DENND3: variants seen among roughly 807,000 people sequenced by gnomAD.
The protein encoded by DENND3 is DENN domain-containing protein 3.
In DENND3, 88 loss-of-function variants were observed where a neutral mutation model predicts 135.1. The ratio of observed to expected loss-of-function variants is 0.65; its 90% CI spans 0.55 to 0.78. DENND3 has a LOEUF of 0.78. Ranked by LOEUF, DENND3 falls within the 30% of genes least tolerant of loss-of-function variation. The probability of loss-of-function intolerance (pLI) is 0.00; values close to 1 mark genes in which losing one functional copy is unlikely to be tolerated. For synonymous variants in DENND3, 693 were observed against 712.3 expected, an observed-to-expected ratio of 0.97 and a Z score of 0.43; for missense variants, 1,392 against 1,688.4, an observed-to-expected ratio of 0.82 and a Z score of 3.08.
rs527407573 is a variant in DENND3 at position 141,145,473 on chromosome 8, C to T, written c.735+1214C>T. ...ACCACTCTTTAGACTGTTCCCTAGG[C>T]CACGGTCACTCAGAATAAACCCCTT... On this transcript the variant is annotated intron_variant, in intron 5 of 22. Transcript: ENST00000519811. 2.0e-5 allele frequency among the ~76,000 whole-genome samples: 3 copies of T among 152,242 alleles called. No homozygotes were observed. In the South Asian group the frequency reaches 6.2e-4, roughly 32 times the overall value.
chr8:141,145,111 T>C (rs1214428086), intron 5 of DENND3, among the ~76,000 whole-genome samples: 1 of 152,196 alleles, frequency 6.6e-6, no homozygotes, highest in Non-Finnish European at 1.5e-5. Flanking sequence ...CTTTAAAGTG[T>C]GAAAAGAGAC....
rs529309663 is a variant in DENND3 at position 141,141,549 on chromosome 8, C to T, written c.623+225C>T. 1.4e-4 allele frequency: 79 copies of T among 562,386 alleles called. No homozygotes were observed. The highest frequency in any genetic ancestry group is 9.6e-4 in the Middle Eastern group (2 of 2,084). 34.8% of individuals were successfully genotyped at this position (562,386 alleles called of 1,614,324 possible). A position where few individuals can be genotyped will look rare whatever the true frequency, so the allele number is the denominator to read the frequency against. ...AGTGGGCAGGGGGTGTGGCAGCGGG[C>T]GCTCCTCTCTGTGACTGGTAACATA... On this transcript the variant is annotated intron_variant, in intron 4 of 22. Coordinates refer to ENST00000519811, the MANE Select transcript of DENND3 (RefSeq NM_001352890.3). The surrounding 1 kb of genome is among the most constrained non-coding windows in gnomAD (Gnocchi z 5.3).
chr8:141,175,767 G>A lies in DENND3; in HGVS notation c.2535+308G>A. The A allele has an allele frequency of 2.4e-6, 1 of 416,236 alleles. No homozygotes were observed. The highest frequency in any genetic ancestry group is 5.2e-5 in the East Asian group (1 of 19,192). 25.8% of individuals were successfully genotyped at this position (416,236 alleles called of 1,614,324 possible). ...GAATGTGGGCTGACATTCTCATTAG[G>A]GACAGTAGGACGCCTTCGTTCATCC... is the stretch of plus-strand genomic sequence containing the variant. On this transcript the variant is annotated intron_variant, in intron 14 of 22. Transcript: ENST00000519811. This position sits in a 1 kb window ranked among gnomAD's most constrained non-coding sequence, Gnocchi z 5.4.
chr8:141,193,076 T>A, intron 22 of DENND3: 4 of 356,664 alleles, frequency 1.1e-5, no homozygotes, highest in Non-Finnish European at 1.6e-5. Flanking sequence ...GACGTGGCAC[T>A]CTAACCTGTG....
intron 17 of DENND3, 113 bp from the exon 18 acceptor site, chr8:141,185,026 C>A: frequency 7.2e-7 from 1 of 1,392,444 alleles, no homozygotes; most frequent in South Asian, 1.4e-5. Flanking sequence ...CAGCACCTAA[C>A]ATGGGCCTGG....
chr8:141,155,934 A>T lies in DENND3; in HGVS notation c.1160A>T (p.Asp387Val). 6.2e-7 allele frequency: 1 copy of T among 1,612,330 alleles called. No individual in the cohort carries two copies. The highest frequency in any genetic ancestry group is 1.7e-4 in the Middle Eastern group (1 of 6,054). Residue 387 changes from aspartate (D) to valine (V), a missense_variant, in exon 8 of 23, where the codon GAT becomes GTT. Coordinates refer to ENST00000519811, the MANE Select transcript of DENND3 (RefSeq NM_001352890.3). ...KSTDDNVDIP[D>V]VPLLAAQTFI... ...ACGGACGATAACGTGGACATTCCTG[A>T]TGTCCCCCTCCTGGCAGCCCAGACG...
chr8:141,176,863 C>G, intron 15 of DENND3, 102 bp downstream of exon 15: 1 of 1,355,638 alleles, frequency 7.4e-7, no homozygotes, highest in Non-Finnish European at 1.0e-6. Context: ...TGCTCGGGCT[C>G]GGGTCTGAGT....
intron 19 of DENND3, among the ~76,000 whole-genome samples, chr8:141,189,681 C>A (rs1425429756): frequency 6.6e-6 from 1 of 152,168 alleles, no homozygotes; most frequent in Non-Finnish European, 1.5e-5. Context: ...GGGTGAGGGG[C>A]CACACTCCCC....
chr8:141,191,273 T>C (rs1824715078), intron 20 of DENND3: 1 of 152,266 alleles, frequency 6.6e-6, no homozygotes, highest in African/African-American at 2.4e-5. Context: ...ACAAATGGAC[T>C]CTACAGTAGG....
In DENND3 at chr8:141,192,459, C is replaced by T. The variant is rs756832530; in HGVS notation, c.3498+10C>T. 2 of 1,613,920 alleles carry T rather than the reference C, an allele frequency of 1.2e-6. No homozygotes were observed. Among genetic ancestry groups the T allele is most frequent in the African/African-American group, 2.7e-5 (2 of 74,950 alleles). ...CCAGCTCCTTCCTGAGGTATCCCAG[C>T]AGGGGCTGTGGGCCCAGCATGTGCG... is the stretch of plus-strand genomic sequence containing the variant. On this transcript the variant is annotated intron_variant, in intron 21 of 22. Transcript: ENST00000519811.
chr8:141,156,036 C>G (rs748853993), intron 8 of DENND3, 66 bp downstream of exon 8: 20 of 1,491,450 alleles, frequency 1.3e-5, no homozygotes, highest in African/African-American at 2.8e-5. Flanking sequence ...TTTGCCACTT[C>G]GAGTATCTTT....
At chr8:141,188,002 C>A (rs529459789) in intron 18 of DENND3, among the ~76,000 whole-genome samples, 2 of 148,668 alleles carry the variant, frequency 1.3e-5, no homozygotes, top group Non-Finnish European at 3.0e-5. Flanking sequence ...GCCTGGGCAA[C>A]GTGGGGAAAC....
rs1370860060 is a variant in DENND3 at position 141,141,294 on chromosome 8, A to C, written c.593A>C (p.Tyr198Ser). The part of the protein sequence containing the change: ...FAVCVVSRFP[Y>S]YNSLKDCLSC... ...GTGTGCGTGGTCTCCAGGTTTCCCT[A>C]TTACAACTCCCTCAAGGACTGCCTT... Residue 198 changes from tyrosine (Y) to serine (S), a missense_variant, in exon 4 of 23, where the codon TAT (tyrosine) becomes TCT (serine). Coordinates refer to ENST00000519811, the MANE Select transcript of DENND3 (RefSeq NM_001352890.3). The surrounding 1 kb of genome is among the most constrained non-coding windows in gnomAD (Gnocchi z 5.3). 6.2e-7 allele frequency: 1 copy of C among 1,613,474 alleles called. No homozygotes were observed. The highest frequency in any genetic ancestry group is 2.2e-5 in the East Asian group (1 of 44,842).
rs34537797 is a variant in DENND3 at position 141,195,287 on chromosome 8, C to T, written c.*1054C>T. On this transcript the variant is annotated 3_prime_UTR_variant, in exon 23 of 23. Transcript: ENST00000519811. ...TGGAGCCGGAGGGAGCGTGTCAGCA[C>T]GTGCTGAGGGCATGGGGCCTGCCCC... The T allele has an allele frequency of 0.051, 7,751 of 152,476 alleles. 288 individuals are homozygous for T. Among genetic ancestry groups the T allele is most frequent in the Non-Finnish European group, 0.079 (5,349 of 68,068 alleles). 9.4% of individuals were successfully genotyped at this position (152,476 alleles called of 1,614,324 possible).
Position 141,168,620 on chromosome 8 carries a change from A to C in DENND3, c.2275+95A>C. 1.4e-5 allele frequency: 20 copies of C among 1,427,388 alleles called. No individual in the cohort carries two copies. Among genetic ancestry groups the C allele is most frequent in the Non-Finnish European group, 1.9e-5 (20 of 1,069,566 alleles). 88.4% of individuals were successfully genotyped at this position (1,427,388 alleles called of 1,614,324 possible). On this transcript the variant is annotated intron_variant, in intron 13 of 22. Transcript: ENST00000519811. This position sits in a 1 kb window ranked among gnomAD's most constrained non-coding sequence, Gnocchi z 6.2. Reference sequence around the variant, plus strand: ...TGGAGTGGACTGGCAATCACAGCTCACTGCAACCTCCACCTCCTGGGCTCA... The same window carrying C: ...TGGAGTGGACTGGCAATCACAGCTCCCTGCAACCTCCACCTCCTGGGCTCA...
intron 1 of DENND3, among the ~76,000 whole-genome samples, chr8:141,129,356 C>T (rs1016792814): frequency 2.6e-5 from 4 of 152,180 alleles, no homozygotes; most frequent in Non-Finnish European, 5.9e-5. Flanking sequence ...GCCGGCCTCG[C>T]GTATTCTGCA....
At chr8:141,190,640 G>A (rs1438503946) in intron 20 of DENND3, 12 of 582,740 alleles carry the variant, frequency 2.1e-5, no homozygotes, top group East Asian at 7.1e-5. Context: ...AGCGGCTGAC[G>A]GGATGCCTGT....
Position 141,182,196 on chromosome 8 carries a change from C to T in DENND3, c.2944+1342C>T, listed in dbSNP as rs1569556739. 2 of 535,974 alleles carry T rather than the reference C, an allele frequency of 3.7e-6. No individual in the cohort carries two copies. Among genetic ancestry groups the T allele is most frequent in the African/African-American group, 2.1e-5 (1 of 48,198 alleles). 33.2% of individuals were successfully genotyped at this position (535,974 alleles called of 1,614,324 possible). ...CAGATGTAGGTGTCACCCCCTCTCA[C>T]AGGCCATGTCCGCGGCTTCACAGAG... On this transcript the variant is annotated intron_variant, in intron 17 of 22. Coordinates refer to ENST00000519811, the MANE Select transcript of DENND3 (RefSeq NM_001352890.3). This position sits in a 1 kb window ranked among gnomAD's most constrained non-coding sequence, Gnocchi z 5.9.
rs755868773 is a variant in DENND3 at position 141,181,471 on chromosome 8, G to T, written c.2944+617G>T. Among the ~76,000 whole-genome samples the T allele has an allele frequency of 2.0e-5, 3 of 152,334 alleles. No homozygotes were observed. In the East Asian group the frequency reaches 5.8e-4, roughly 29 times the overall value. On this transcript the variant is annotated intron_variant, in intron 17 of 22. Transcript: ENST00000519811. ...AATGACAAGGAGTCTGTGTGGCCCT[G>T]AGCGGCCCTGAGTGCCTGCCAGTCC...
Sources: allele counts gnomAD v4.1 joint callset (sites outside exome capture counted in the v4.1 genomes callset), GRCh38; gene constraint gnomAD v4.1.1; non-coding constraint Gnocchi (gnomAD v3.1); transcripts MANE v1.5; gene names NCBI Gene and HGNC (gene_info 2026-07-23, HGNC 2026-07-21).